RNF168: variants seen among roughly 807,000 people sequenced by gnomAD.
RNF168 encodes the protein E3 ubiquitin-protein ligase RNF168.
Under a neutral mutation model 34.9 loss-of-function variants are expected in RNF168, and 34 were observed. That is an observed-to-expected ratio of 0.97 (90% confidence interval 0.74 to 1.30). The LOEUF (loss-of-function observed/expected upper bound fraction) is 1.30. Among genes scored for constraint, RNF168 ranks in the 50% most tolerant of loss-of-function variants. The pLI, the probability that RNF168 is intolerant of heterozygous loss-of-function variation, is 0.00. For synonymous variants in RNF168, 264 were observed against 254.7 expected (o/e 1.04, Z -0.35); for missense variants, 725 against 682.5 (o/e 1.06, Z -0.69).
At chr3:196,479,556 C>G (rs990002739) in intron 4 of RNF168, among the ~76,000 whole-genome samples, 4 of 152,018 alleles carry the variant, frequency 2.6e-5, no homozygotes, top group Non-Finnish European at 5.9e-5. Context: ...CTGCCTTGGC[C>G]TCCCAAAGTG....
chr3:196,498,703 T>C (rs1418330083), intron 1 of RNF168, among the ~76,000 whole-genome samples: 2 of 152,046 alleles, frequency 1.3e-5, no homozygotes, highest in African/African-American at 4.8e-5. Context: ...TACACAAGAA[T>C]AAATCTTGAG....
At chr3:196,497,786 T>C (rs527316825) in intron 1 of RNF168, among the ~76,000 whole-genome samples, 51 of 152,308 alleles carry the variant, frequency 3.3e-4, no homozygotes, top group African/African-American at 1.1e-3. Context: ...GAAAAATTTA[T>C]GAGACTTCAT....
At position 196,471,195 on chromosome 3, in the gene RNF168, CCAAA is replaced by C. The variant is rs1238363471; in HGVS notation, c.*620_*623del. The C allele has an allele frequency of 2.0e-3, 40 of 19,850 alleles. No individual in the cohort carries two copies. Among genetic ancestry groups the C allele is most frequent in the Admixed American group, 5.1e-3 (5 of 978 alleles). 1.2% of individuals were successfully genotyped at this position (19,850 alleles called of 1,614,324 possible). A position where few individuals can be genotyped will look rare whatever the true frequency, so the allele number is the denominator to read the frequency against. ...TGCGTGACAGAGCAAGACTCTGTCT[CCAAA>C]AAAAAAAAAAAAAAAAAAAAAAAAA... On this transcript the variant is annotated 3_prime_UTR_variant, in exon 6 of 6. Coordinates refer to ENST00000318037, the MANE Select transcript of RNF168 (RefSeq NM_152617.4).
At chr3:196,483,980 A>G in intron 3 of RNF168, 89 bp from the exon 4 acceptor site, 1 of 973,020 alleles carries the variant, frequency 1.0e-6, no homozygotes, top group South Asian at 1.3e-5. Context: ...AGAAATCCAT[A>G]GCATTTTTCA....
Position 196,486,659 on chromosome 3 carries a change from A to T in RNF168, c.558+740T>A, listed in dbSNP as rs373924488. Among the ~76,000 whole-genome samples the T allele has an allele frequency of 2.0e-4, 30 of 152,370 alleles. No individual in the cohort carries two copies. The South Asian group carries it at 6.2e-3, about 32-fold the overall frequency. ...AAGAAAAAAGTTGTAAGAAACTGTTAATAGTGGTTACCTTTGGGGATAGAG... is the reference window on the plus strand; with the variant it reads ...AAGAAAAAAGTTGTAAGAAACTGTTTATAGTGGTTACCTTTGGGGATAGAG... On this transcript the variant is annotated intron_variant, in intron 3 of 5. Coordinates refer to ENST00000318037, the MANE Select transcript of RNF168 (RefSeq NM_152617.4).
In RNF168 at chr3:196,472,787, A is replaced by G; in HGVS notation, c.763-15T>C. On this transcript the variant is annotated splice_polypyrimidine_tract_variant and intron_variant, in intron 5 of 5. Transcript: ENST00000318037. ...CTGTCAATGTCCTGTAGAAAACAGA[A>G]AAAGACTGAGTGAACCAGGGGAAAA... The G allele has an allele frequency of 1.3e-6, 2 of 1,516,704 alleles. No homozygotes were observed. The highest frequency in any genetic ancestry group is 1.8e-6 in the Non-Finnish European group (2 of 1,092,574). 94.0% of individuals were successfully genotyped at this position (1,516,704 alleles called of 1,614,324 possible).
intron 1 of RNF168, 101 bp downstream of exon 1, chr3:196,502,772 G>T: frequency 1.0e-6 from 1 of 996,142 alleles, no homozygotes; most frequent in East Asian, 2.5e-5. Context: ...AATACTAGTC[G>T]GGTTTTTTGG....
At position 196,476,721 on chromosome 3, in the gene RNF168, C is replaced by T. The variant is rs148394012; in HGVS notation, c.681-1409G>A. 1.5e-3 allele frequency among the ~76,000 whole-genome samples: 223 copies of T among 146,702 alleles called. 2 individuals are homozygous for T. Among genetic ancestry groups the T allele is most frequent in the African/African-American group, 5.4e-3 (213 of 39,716 alleles). ...GTGAGCCACCGTGCCTGGCCCTCAA[C>T]TCTCTTCTTAGAAACACATATCTTT... On this transcript the variant is annotated intron_variant, in intron 4 of 5. Transcript: ENST00000318037.
At position 196,503,565 on chromosome 3, in the gene RNF168, G is replaced by C. The variant is rs754688748; in HGVS notation, c.-392C>G. 1 of 244,010 alleles carries C rather than the reference G, an allele frequency of 4.1e-6. No individual in the cohort carries two copies. Among genetic ancestry groups the C allele is most frequent in the Admixed American group, 5.2e-5 (1 of 19,380 alleles). The allele number at this position is 244,010 out of a possible 1,614,324, so 15.1% of individuals were successfully genotyped here. A position where few individuals can be genotyped will look rare whatever the true frequency, so the allele number is the denominator to read the frequency against. On this transcript the variant is annotated 5_prime_UTR_variant, in exon 1 of 6. Transcript: ENST00000318037. Reference sequence around the variant, plus strand: ...ATGCTCCGCTCAGCTCGGGGCAGCCGGGCCCCGGGACGCGGCTCCGGGAGG... The same window carrying C: ...ATGCTCCGCTCAGCTCGGGGCAGCCCGGCCCCGGGACGCGGCTCCGGGAGG...
chr3:196,495,598 T>C (rs1180863180), intron 1 of RNF168, among the ~76,000 whole-genome samples: 3 of 152,236 alleles, frequency 2.0e-5, no homozygotes, highest in African/African-American at 7.2e-5. Flanking sequence ...ACTCGTCCTA[T>C]CAGGAGGACC....
intron 1 of RNF168, among the ~76,000 whole-genome samples, chr3:196,500,710 TACC>T (rs990924954): frequency 1.1e-4 from 16 of 152,228 alleles, no homozygotes; most frequent in Non-Finnish European, 2.4e-4. Context: ...TGCTATATTT[TACC>T]ACAATTTTTT....
chr3:196,490,460 CAGGGGTGGATGGTG>C (rs1444167644), intron 1 of RNF168, among the ~76,000 whole-genome samples: 1 of 152,054 alleles, frequency 6.6e-6, no homozygotes, highest in Non-Finnish European at 1.5e-5. Flanking sequence ...CCAGAGGCGG[CAGGGGTGGATGGTG>C]AGAGATGACT....
intron 1 of RNF168, among the ~76,000 whole-genome samples, chr3:196,489,498 T>C (rs1300341606): frequency 6.6e-6 from 1 of 152,098 alleles, no homozygotes; most frequent in African/African-American, 2.4e-5. Flanking sequence ...AGCTAATTTT[T>C]GTATTTTTAA....
intron 4 of RNF168, 58 bp downstream of exon 4, chr3:196,483,712 A>AGAAAACACTG: frequency 2.1e-6 from 3 of 1,463,310 alleles, no homozygotes; most frequent in Non-Finnish European, 2.9e-6. Context: ...CTATATGAAC[A>AGAAAACACTG]GAAAACACTG....
chr3:196,502,301 C>A (rs1007161273), intron 1 of RNF168, among the ~76,000 whole-genome samples: 3 of 151,884 alleles, frequency 2.0e-5, no homozygotes, highest in Non-Finnish European at 4.4e-5. Context: ...ATAAGTAAAT[C>A]AGAGGCCGGG....
intron 1 of RNF168, among the ~76,000 whole-genome samples, chr3:196,494,993 A>T (rs951852417): frequency 1.1e-4 from 17 of 152,220 alleles, no homozygotes; most frequent in African/African-American, 4.1e-4. Context: ...CTGGCATTCC[A>T]GCCTGGGCGA....
At chr3:196,500,366 T>C (rs1461389383) in intron 1 of RNF168, among the ~76,000 whole-genome samples, 3 of 152,170 alleles carry the variant, frequency 2.0e-5, no homozygotes, top group Non-Finnish European at 4.4e-5. Flanking sequence ...TGGATGAACC[T>C]GGAAAACATT....
In RNF168 at chr3:196,470,290, TGTCA is replaced by T. The variant is rs1415739415; in HGVS notation, c.*1525_*1528del. Reference sequence around the variant, plus strand: ...CCCAATCAGTTTCAATGATCCAGACTGTCAGTCACCCCATCCAGCCACATCCTCA... The same window carrying T: ...CCCAATCAGTTTCAATGATCCAGACTGTCACCCCATCCAGCCACATCCTCA... On this transcript the variant is annotated 3_prime_UTR_variant, in exon 6 of 6. Transcript: ENST00000318037. 6.5e-6 allele frequency: 1 copy of T among 152,924 alleles called. No individual in the cohort carries two copies. The highest frequency in any genetic ancestry group is 1.5e-5 in the Non-Finnish European group (1 of 68,638). 9.5% of individuals were successfully genotyped at this position (152,924 alleles called of 1,614,324 possible).
intron 1 of RNF168, among the ~76,000 whole-genome samples, chr3:196,501,607 G>C (rs1450745260): frequency 1.3e-5 from 2 of 152,158 alleles, no homozygotes; most frequent in Non-Finnish European, 2.9e-5. Flanking sequence ...GAGTTTATCT[G>C]GGGTGATGAA....
Sources: gnomAD v4.1 joint callset for allele counts (sites outside exome capture counted in the v4.1 genomes callset) on GRCh38, gnomAD v4.1.1 for gene constraint, MANE v1.5 for transcripts, NCBI Gene and HGNC (gene_info 2026-07-23, HGNC 2026-07-21) for gene names.